Variants in HAUS8 observed in about 807,000 individuals in gnomAD.
HAUS8 encodes HAUS augmin like complex subunit 8, also known as HAUS augmin-like complex subunit 8.
A neutral mutation model predicts 42.9 loss-of-function variants in HAUS8; 38 were observed. The ratio of observed to expected loss-of-function variants is 0.89; its 90% CI spans 0.68 to 1.16. The LOEUF (loss-of-function observed/expected upper bound fraction) is 1.16. Among genes scored for constraint, HAUS8 ranks in the 50% most tolerant of loss-of-function variants. The pLI, the probability that HAUS8 is intolerant of heterozygous loss-of-function variation, is 0.00. For synonymous variants in HAUS8, 199 were observed against 205.8 expected (o/e 0.97, Z 0.28); for missense variants, 494 against 511.6 (o/e 0.97, Z 0.33).
chr19:17,053,223 A>G (rs1164437426), intron 9 of HAUS8: 1 of 516,222 alleles, frequency 1.9e-6, no homozygotes, highest in Admixed American at 3.3e-5. Context: ...TGGTGTCCTC[A>G]ACAGAAACCA....
Position 17,063,305 on chromosome 19 carries a change from T to A in HAUS8, c.148-526A>T, listed in dbSNP as rs548926359. 2.6e-4 allele frequency among the ~76,000 whole-genome samples: 39 copies of A among 152,216 alleles called. No homozygotes were observed. In the East Asian group the frequency reaches 4.6e-3, roughly 18 times the overall value. ...CGGGTCCAGGGGTTTGAGGCTGCAGTGAGCCATCACACCACTGCACCCCAT... is the reference window on the plus strand; with the variant it reads ...CGGGTCCAGGGGTTTGAGGCTGCAGAGAGCCATCACACCACTGCACCCCAT... On this transcript the variant is annotated intron_variant, in intron 3 of 10. Coordinates refer to ENST00000253669, the MANE Select transcript of HAUS8 (RefSeq NM_033417.2).
At chr19:17,072,095 T>C (rs904677544) in intron 2 of HAUS8, among the ~76,000 whole-genome samples, 3 of 152,222 alleles carry the variant, frequency 2.0e-5, no homozygotes, top group African/African-American at 7.2e-5. Flanking sequence ...ATATTATAGC[T>C]GTTATATGCG....
chr19:17,059,161 T>C lies in HAUS8; in HGVS notation c.421-285A>G, dbSNP rs1161493188. 2.6e-5 allele frequency among the ~76,000 whole-genome samples: 4 copies of C among 152,166 alleles called. No individual in the cohort carries two copies. The East Asian group carries it at 7.7e-4, about 29-fold the overall frequency. On this transcript the variant is annotated intron_variant, in intron 6 of 10. Coordinates refer to ENST00000253669, the MANE Select transcript of HAUS8 (RefSeq NM_033417.2). Reference sequence around the variant, plus strand: ...GGACAAGCTGAGAATACCCACCAATTTGGTGCTGCACCAGGACCAGAATGC... The same window carrying C: ...GGACAAGCTGAGAATACCCACCAATCTGGTGCTGCACCAGGACCAGAATGC...
At position 17,075,428 on chromosome 19, in the gene HAUS8, C is replaced by T. The variant is rs1367754828; in HGVS notation, c.-6G>A. Reference sequence around the variant, plus strand: ...CGCCCCGAGGAATCCGCCATTTTCCCGCCTTCCACCTCAAGGCCCGACCCG... The same window carrying T: ...CGCCCCGAGGAATCCGCCATTTTCCTGCCTTCCACCTCAAGGCCCGACCCG... On this transcript the variant is annotated 5_prime_UTR_variant, in exon 1 of 11. Transcript: ENST00000253669. 7.4e-6 allele frequency: 12 copies of T among 1,613,790 alleles called. No individual in the cohort carries two copies. Among genetic ancestry groups the T allele is most frequent in the Non-Finnish European group, 1.0e-5 (12 of 1,179,890 alleles).
chr19:17,059,919 C>T, intron 5 of HAUS8, 78 bp downstream of exon 5: 1 of 1,014,080 alleles, frequency 9.9e-7, no homozygotes, highest in African/African-American at 1.6e-5. Flanking sequence ...CCACTGTAGG[C>T]CAATTGTACT....
In HAUS8 at chr19:17,050,049, C is replaced by T; in HGVS notation, c.1057G>A (p.Ala353Thr). The change falls in exon 11 of 11, where the codon GCC (alanine) becomes ACC (threonine). Residue 353 changes from alanine to threonine, a missense_variant. Ala to Thr is a moderately conservative substitution (Grantham distance 58). Coordinates refer to ENST00000253669, the MANE Select transcript of HAUS8 (RefSeq NM_033417.2). ...PSRWYFNQDS[A>T]CRESGGAPKN... The stretch of plus-strand genomic sequence containing the variant: ...GGTGCTCCCCCAGATTCTCTGCAGG[C>T]ACTGTCTTGATTGAAATACCACCGG... The T allele has an allele frequency of 6.2e-7, 1 of 1,607,946 alleles. No homozygotes were observed. Among genetic ancestry groups the T allele is most frequent in the Non-Finnish European group, 8.5e-7 (1 of 1,177,636 alleles).
At chr19:17,069,268 A>C (rs2057406936) in intron 2 of HAUS8, among the ~76,000 whole-genome samples, 182 bp from the exon 3 acceptor site, 2 of 152,100 alleles carry the variant, frequency 1.3e-5, no homozygotes, top group Admixed American at 1.3e-4. Flanking sequence ...TCAAGCATGC[A>C]TGGGACGCCT....
intron 9 of HAUS8, chr19:17,055,153 T>A (rs4030877): frequency 0.05 from 292 of 5,874 alleles, 30 homozygotes; most frequent in South Asian, 0.069. Flanking sequence ...AATATATATA[T>A]ATATATATAT....
chr19:17,066,250 C>A (rs1011826089), intron 3 of HAUS8, among the ~76,000 whole-genome samples: 25 of 152,052 alleles, frequency 1.6e-4, no homozygotes, highest in Non-Finnish European at 3.5e-4. Flanking sequence ...CCATGCCCAG[C>A]CACTTGGCTA....
At chr19:17,071,150 G>A (rs145986166) in intron 2 of HAUS8, among the ~76,000 whole-genome samples, 1 of 152,270 alleles carries the variant, frequency 6.6e-6, no homozygotes, top group Non-Finnish European at 1.5e-5. Flanking sequence ...GGCCCGGGGA[G>A]AGTGACATGC....
chr19:17,052,709 G>C (rs1048533975), intron 10 of HAUS8, 116 bp downstream of exon 10: 1 of 1,050,378 alleles, frequency 9.5e-7, no homozygotes, highest in African/African-American at 1.6e-5. Flanking sequence ...GCTCGCTCAG[G>C]GGACTGAACC....
chr19:17,071,018 C>A (rs1384559147), intron 2 of HAUS8, among the ~76,000 whole-genome samples: 1 of 150,608 alleles, frequency 6.6e-6, no homozygotes, highest in Non-Finnish European at 1.5e-5. Flanking sequence ...TGCAGTGAGC[C>A]GAGATCGTGC....
intron 10 of HAUS8, 102 bp from the exon 11 acceptor site, chr19:17,050,278 T>A: frequency 1.2e-6 from 1 of 825,048 alleles, no homozygotes; most frequent in Non-Finnish European, 1.7e-6. Context: ...GATTTTCACA[T>A]GCCCTACGTG....
chr19:17,053,984 C>T (rs1599969976), intron 9 of HAUS8, among the ~76,000 whole-genome samples: 1 of 151,980 alleles, frequency 6.6e-6, no homozygotes, highest in Non-Finnish European at 1.5e-5. Context: ...ATTTCAATAA[C>T]GAGACAGCCA....
At chr19:17,068,741 G>C (rs2057402785) in intron 3 of HAUS8, among the ~76,000 whole-genome samples, 1 of 152,120 alleles carries the variant, frequency 6.6e-6, no homozygotes, top group Non-Finnish European at 1.5e-5. Context: ...TCCAGCCTGG[G>C]CAACAGAGAG....
intron 3 of HAUS8, among the ~76,000 whole-genome samples, chr19:17,064,190 T>C (rs2057375827): frequency 6.6e-6 from 1 of 152,164 alleles, no homozygotes; most frequent in African/African-American, 2.4e-5. Context: ...AAATAAAATA[T>C]GTGTAAGATC....
At chr19:17,069,562 C>T (rs993767878) in intron 2 of HAUS8, among the ~76,000 whole-genome samples, 1 of 151,532 alleles carries the variant, frequency 6.6e-6, no homozygotes, top group East Asian at 1.9e-4. Context: ...GAGACATGCC[C>T]AACACCCAGG....
chr19:17,056,920 C>A (rs906902719), intron 8 of HAUS8, among the ~76,000 whole-genome samples: 12 of 152,124 alleles, frequency 7.9e-5, no homozygotes, highest in Non-Finnish European at 1.8e-4. Flanking sequence ...TACTGTGTTG[C>A]CCAAGGTGGA....
At chr19:17,050,340 GGAAACCCCCCAA>G (rs2057279811) in intron 10 of HAUS8, among the ~76,000 whole-genome samples, 164 bp from the exon 11 acceptor site, 1 of 152,134 alleles carries the variant, frequency 6.6e-6, no homozygotes, top group African/African-American at 2.4e-5. Flanking sequence ...ACTCAATCAG[GGAAACCCCCCAA>G]GAACAGCACC....
Sources: allele counts gnomAD v4.1 joint callset (sites outside exome capture counted in the v4.1 genomes callset), GRCh38; gene constraint gnomAD v4.1.1; transcripts MANE v1.5; gene names NCBI Gene and HGNC (gene_info 2026-07-23, HGNC 2026-07-21).